Variants in PC observed in about 807,000 individuals in gnomAD.
PC encodes the protein pyruvate carboxylase.
Under a neutral mutation model 107.8 loss-of-function variants are expected in PC, and 46 were observed. That is an observed-to-expected ratio of 0.43 (90% CI 0.34 to 0.55). PC has a LOEUF of 0.55. Among genes scored for constraint, PC ranks in the 20% least tolerant of loss-of-function variants. The pLI is 0.04. For synonymous variants in PC, 662 were observed against 684.7 expected (o/e 0.97, Z 0.52); for missense variants, 1,241 against 1,643.1 (o/e 0.76, Z 4.23).
chr11:66,851,125 G>C lies in PC; in HGVS notation c.2138C>G (p.Pro713Arg). 6.2e-7 allele frequency: 1 copy of C among 1,612,986 alleles called. No homozygotes were observed. Among genetic ancestry groups the C allele is most frequent in the Non-Finnish European group, 8.5e-7 (1 of 1,180,012 alleles). Residue 713 changes from proline (P) to arginine (R), a missense_variant, in exon 17 of 23, where the codon CCC becomes CGC. Pro to Arg is a moderately radical substitution (Grantham distance 103, BLOSUM62 -2). Around this residue, in one of 2 missense-constraint regions of PC, gnomAD observed 1,143 missense variants for 1,551.9 expected, o/e 0.74. Transcript: ENST00000393960. ...AISYTGDVAD[P>R]SRTKYSLQYY... ...CTGCAGTGAGTACTTGGTGCGGCTG[G>C]GGTCGGCCACGTCGCCCGTGTATGA... is the stretch of plus-strand genomic sequence containing the variant.
intron 3 of PC, among the ~76,000 whole-genome samples, chr11:66,873,482 TAATATTATA>T (rs1319960732): frequency 1.4e-5 from 1 of 71,410 alleles, no homozygotes; most frequent in African/African-American, 5.6e-5. Context: ...ATATAATATA[TAATATTATA>T]TATATTATAT....
At chr11:66,909,862 C>T (rs1210239070) in intron 3 of PC, among the ~76,000 whole-genome samples, 4 of 152,028 alleles carry the variant, frequency 2.6e-5, no homozygotes, top group Admixed American at 1.3e-4. Context: ...AGGACACGGG[C>T]CATTGTATGG....
intron 3 of PC, among the ~76,000 whole-genome samples, chr11:66,909,189 A>G (rs1237930223): frequency 1.3e-5 from 2 of 152,246 alleles, no homozygotes; most frequent in African/African-American, 4.8e-5. Context: ...AGCTGGAGGC[A>G]GAGAGGTGCC....
chr11:66,877,170 G>A (rs1053905848), intron 3 of PC, among the ~76,000 whole-genome samples: 1 of 152,206 alleles, frequency 6.6e-6, no homozygotes, highest in African/African-American at 2.4e-5. Flanking sequence ...CGGATCATTT[G>A]AGGTCACGAA....
chr11:66,858,492 C>T lies in PC; in HGVS notation c.1369-5109G>A, dbSNP rs1459404524. On this transcript the variant is annotated intron_variant, in intron 12 of 22. Coordinates refer to ENST00000393960, the MANE Select transcript of PC (RefSeq NM_001040716.2). The surrounding 1 kb of genome is among the most constrained non-coding windows in gnomAD (Gnocchi z 5.9). ...GCTGCTGTGGCTGCGGCGGCTGGCG[C>T]GGCCGGACGACCTGGAAACGTGCGC... 16 of 1,538,456 alleles carry T rather than the reference C, an allele frequency of 1.0e-5. No individual in the cohort carries two copies. The highest frequency in any genetic ancestry group is 2.4e-5 in the East Asian group (1 of 41,086).
intron 3 of PC, among the ~76,000 whole-genome samples, chr11:66,950,405 G>C (rs1356968751): frequency 1.3e-5 from 2 of 152,200 alleles, no homozygotes; most frequent in African/African-American, 4.8e-5. Context: ...TGGCCTCGAG[G>C]CATATCAGGA....
chr11:66,918,779 C>T (rs74807326), intron 3 of PC, among the ~76,000 whole-genome samples: 3,219 of 152,140 alleles, frequency 0.021, 51 homozygotes, highest in Non-Finnish European at 0.034. Context: ...CCCCCTAAGC[C>T]ACGCCAAACA....
At chr11:66,930,322 C>A (rs1948817545) in intron 3 of PC, among the ~76,000 whole-genome samples, 1 of 152,130 alleles carries the variant, frequency 6.6e-6, no homozygotes, top group Non-Finnish European at 1.5e-5. Flanking sequence ...AGGAGAAGGG[C>A]AAATTAGTTT....
chr11:66,864,073 G>A, intron 11 of PC, 117 bp from the exon 12 acceptor site: 1 of 994,038 alleles, frequency 1.0e-6, no homozygotes, highest in Non-Finnish European at 1.6e-6. Flanking sequence ...AGCGTGGGGT[G>A]TCTGCAGGTG....
chr11:66,914,853 A>G (rs1037297491), intron 3 of PC, among the ~76,000 whole-genome samples: 7 of 152,004 alleles, frequency 4.6e-5, no homozygotes, highest in Non-Finnish European at 8.8e-5. Context: ...TGGGCAACAT[A>G]GCAAGACTCC....
intron 3 of PC, among the ~76,000 whole-genome samples, chr11:66,942,235 A>G (rs1316841693): frequency 4.0e-5 from 6 of 150,212 alleles, no homozygotes; most frequent in African/African-American, 1.2e-4. Context: ...CGTCTCTACT[A>G]AATATACAAA....
chr11:66,883,018 C>T (rs1008679959), intron 3 of PC, among the ~76,000 whole-genome samples: 7 of 152,196 alleles, frequency 4.6e-5, no homozygotes, highest in Non-Finnish European at 8.8e-5. Flanking sequence ...AGACACAGCA[C>T]GGGTGCTCGC....
At chr11:66,906,836 G>C (rs947752385) in intron 3 of PC, among the ~76,000 whole-genome samples, 1 of 152,214 alleles carries the variant, frequency 6.6e-6, no homozygotes, top group African/African-American at 2.4e-5. Flanking sequence ...CCTTAGATCT[G>C]AGCAGTGAGT....
rs183268556 is a variant in PC, at chr11:66,916,834, G to A, written c.-1+35596C>T. On this transcript the variant is annotated intron_variant, in intron 3 of 22. Transcript: ENST00000393960. ...CCGGGCGTGGTGGCAGGCACCTATA[G>A]TCTCAGCTACTCAGGAGGCTAAGGC... Among the ~76,000 whole-genome samples, 232 of 152,036 alleles carry A rather than the reference G, an allele frequency of 1.5e-3. 2 individuals carry two copies. The highest frequency in any genetic ancestry group is 2.6e-4 in the Non-Finnish European group (18 of 67,988).
chr11:66,870,462 G>A lies in PC; in HGVS notation c.752-9C>T, dbSNP rs1233365044. On this transcript the variant is annotated splice_polypyrimidine_tract_variant and intron_variant, in intron 8 of 22. Transcript: ENST00000393960. The surrounding 1 kb of genome is among the most constrained non-coding windows in gnomAD (Gnocchi z 6.1). ...GTTCCCATACTGGTCCCCTGGGGAGGGAGGTAAACTGGGCTTAGCTTTTAC... is the reference window on the plus strand; with the variant it reads ...GTTCCCATACTGGTCCCCTGGGGAGAGAGGTAAACTGGGCTTAGCTTTTAC... The A allele has an allele frequency of 1.2e-6, 2 of 1,612,748 alleles. No homozygotes were observed. The highest frequency in any genetic ancestry group is 2.2e-5 in the East Asian group (1 of 44,876).
chr11:66,937,771 G>GT (rs902592166), intron 3 of PC, among the ~76,000 whole-genome samples: 75 of 146,748 alleles, frequency 5.1e-4, no homozygotes, highest in African/African-American at 7.8e-4. Flanking sequence ...GAATTTCTGG[G>GT]TTTTTTTTGT....
chr11:66,848,818 A>G lies in PC; in HGVS notation c.*81T>C. 1 of 1,589,304 alleles carries G rather than the reference A, an allele frequency of 6.3e-7. No homozygotes were observed. Among genetic ancestry groups the G allele is most frequent in the Non-Finnish European group, 8.6e-7 (1 of 1,161,138 alleles). Reference sequence around the variant, plus strand: ...CGGCCCGGCCTTCCTGGCCTCGGGCACTGGCTGGCCTGGGCCTGCCGTGGC... The same window carrying G: ...CGGCCCGGCCTTCCTGGCCTCGGGCGCTGGCTGGCCTGGGCCTGCCGTGGC... On this transcript the variant is annotated 3_prime_UTR_variant, in exon 23 of 23. Coordinates refer to ENST00000393960, the MANE Select transcript of PC (RefSeq NM_001040716.2).
chr11:66,905,392 C>A (rs1948129244), intron 3 of PC, among the ~76,000 whole-genome samples: 1 of 152,164 alleles, frequency 6.6e-6, no homozygotes, highest in Admixed American at 6.5e-5. Flanking sequence ...GGGCGGACTC[C>A]AAGCTGACTC....
chr11:66,862,423 G>A (rs1256191634), intron 12 of PC, among the ~76,000 whole-genome samples: 1 of 152,238 alleles, frequency 6.6e-6, no homozygotes, highest in Non-Finnish European at 1.5e-5. Context: ...TGAGGGGACA[G>A]CACGGCCCAC....
Sources: allele counts gnomAD v4.1 joint callset (sites outside exome capture counted in the v4.1 genomes callset), GRCh38; gene constraint gnomAD v4.1.1; regional missense constraint gnomAD v4.1.1; non-coding constraint Gnocchi (gnomAD v3.1); transcripts MANE v1.5; gene names NCBI Gene and HGNC (gene_info 2026-07-23, HGNC 2026-07-21).